Variants in DISC1 observed in about 807,000 individuals in gnomAD.
The protein encoded by DISC1 is DISC1 scaffold protein.
A neutral mutation model predicts 84.5 loss-of-function variants in DISC1; 57 were observed. The ratio of observed to expected loss-of-function variants is 0.67; its 90% CI spans 0.55 to 0.84. The LOEUF (loss-of-function observed/expected upper bound fraction) is 0.84. Ranked by LOEUF, DISC1 falls within the 40% of genes least tolerant of loss-of-function variation. The pLI is 0.00. For synonymous variants in DISC1, 411 were observed against 415.2 expected, an observed-to-expected ratio of 0.99 and a Z score of 0.12; for missense variants, 1,000 against 1,057.8, an observed-to-expected ratio of 0.95 and a Z score of 0.76.
At chr1:231,687,078 A>G (rs1572868927) in intron 1 of DISC1, among the ~76,000 whole-genome samples, 1 of 152,252 alleles carries the variant, frequency 6.6e-6, no homozygotes, top group African/African-American at 2.4e-5. Flanking sequence ...AAGCCATTCA[A>G]CAAGTCTCTA....
At chr1:231,937,149 C>G (rs1288599242) in intron 9 of DISC1, among the ~76,000 whole-genome samples, 1 of 152,178 alleles carries the variant, frequency 6.6e-6, no homozygotes, top group Non-Finnish European at 1.5e-5. Context: ...CCTGTATCCC[C>G]ATTTTATTAT....
At chr1:231,667,443 A>AAC (rs1209143514) in intron 1 of DISC1, among the ~76,000 whole-genome samples, 1 of 152,204 alleles carries the variant, frequency 6.6e-6, no homozygotes, top group East Asian at 1.9e-4. Context: ...TTGTCATATT[A>AAC]ACACACACAC....
chr1:231,678,691 G>C (rs774751230), intron 1 of DISC1, among the ~76,000 whole-genome samples: 1 of 151,900 alleles, frequency 6.6e-6, no homozygotes, highest in Non-Finnish European at 1.5e-5. Context: ...TCCTTGAGAC[G>C]GAGTCTCACT....
intron 9 of DISC1, among the ~76,000 whole-genome samples, chr1:231,942,824 G>T (rs1216182500): frequency 6.6e-6 from 1 of 152,206 alleles, no homozygotes; most frequent in Non-Finnish European, 1.5e-5. Flanking sequence ...ACCGGGCATT[G>T]CCTCCTTCCT....
intron 4 of DISC1, among the ~76,000 whole-genome samples, chr1:231,756,010 C>T (rs2075075491): frequency 6.6e-6 from 1 of 152,198 alleles, no homozygotes; most frequent in African/African-American, 2.4e-5. Context: ...GGATAAAATT[C>T]ATGTTGCTTA....
chr1:231,873,520 G>A lies in DISC1; in HGVS notation c.1981+55003G>A, dbSNP rs78688288. On this transcript the variant is annotated intron_variant, in intron 9 of 12. Coordinates refer to ENST00000439617, the MANE Select transcript of DISC1 (RefSeq NM_018662.3). ...TGATTTGAAAACCAAAGTGAATAGA[G>A]TACTTATAAAATCTGGTGGTGCACT... Among the ~76,000 whole-genome samples, 6 of 152,320 alleles carry A rather than the reference G, an allele frequency of 3.9e-5. No homozygotes were observed. In the East Asian group the frequency reaches 5.8e-4, roughly 15 times the overall value.
At chr1:231,786,985 G>A (rs1456858948) in intron 6 of DISC1, among the ~76,000 whole-genome samples, 1 of 152,192 alleles carries the variant, frequency 6.6e-6, no homozygotes, top group African/African-American at 2.4e-5. Context: ...TCAAGGATAA[G>A]GAGGATCAGG....
intron 6 of DISC1, among the ~76,000 whole-genome samples, chr1:231,778,513 C>T (rs1380398339): frequency 2.0e-5 from 3 of 152,206 alleles, no homozygotes; most frequent in African/African-American, 2.4e-5. Context: ...TTCCTTAGGG[C>T]TGGTCCCTAG....
At chr1:231,807,864 GA>G (rs1179851051) in intron 8 of DISC1, among the ~76,000 whole-genome samples, 1 of 152,172 alleles carries the variant, frequency 6.6e-6, no homozygotes, top group Non-Finnish European at 1.5e-5. Context: ...TAAAAGCTGT[GA>G]AAAAAACTTT....
chr1:231,776,395 G>A (rs1010183024), intron 6 of DISC1, among the ~76,000 whole-genome samples: 2 of 152,188 alleles, frequency 1.3e-5, no homozygotes, highest in African/African-American at 4.8e-5. Flanking sequence ...TTGTGCATTT[G>A]GAAGAAACAT....
chr1:231,935,048 A>G (rs1233924081), intron 9 of DISC1, among the ~76,000 whole-genome samples: 3 of 152,224 alleles, frequency 2.0e-5, no homozygotes. Context: ...GCTCTTGCCA[A>G]ATGGGACAAC....
intron 2 of DISC1, 136 bp from the exon 3 acceptor site, chr1:231,701,819 C>A (rs919768602): frequency 2.6e-6 from 2 of 771,810 alleles, no homozygotes; most frequent in Non-Finnish European, 3.9e-6. Context: ...AAAAAATGTG[C>A]ATTTTTGTTT....
intron 3 of DISC1, among the ~76,000 whole-genome samples, chr1:231,747,827 C>A (rs1181930962): frequency 6.6e-6 from 1 of 151,942 alleles, no homozygotes; most frequent in Non-Finnish European, 1.5e-5. Context: ...ATAGAGATTG[C>A]ACTGTTATTT....
chr1:231,916,791 G>T (rs1486521621), intron 9 of DISC1, among the ~76,000 whole-genome samples: 7 of 152,134 alleles, frequency 4.6e-5, no homozygotes, highest in Admixed American at 4.6e-4. Context: ...GGCTCCAGTG[G>T]CTAAACTTTG....
chr1:231,679,974 T>A (rs574531059), intron 1 of DISC1, among the ~76,000 whole-genome samples: 1 of 152,322 alleles, frequency 6.6e-6, no homozygotes, highest in African/African-American at 2.4e-5. Context: ...ATGCCTGTAA[T>A]CCCAGCACTT....
intron 6 of DISC1, among the ~76,000 whole-genome samples, chr1:231,776,070 C>T (rs968440044): frequency 2.6e-5 from 4 of 152,164 alleles, no homozygotes; most frequent in Admixed American, 2.0e-4. Context: ...TGATTTGCAG[C>T]TCCTCTCTGT....
intron 4 of DISC1, among the ~76,000 whole-genome samples, chr1:231,758,410 A>G (rs2075345993): frequency 6.6e-6 from 1 of 151,932 alleles, no homozygotes; most frequent in African/African-American, 2.4e-5. Context: ...CATGTGGGCC[A>G]GGTTTGGATA....
At chr1:232,007,828 GTAATCCCCA>G (rs1404586620) in intron 10 of DISC1, among the ~76,000 whole-genome samples, 2 of 152,184 alleles carry the variant, frequency 1.3e-5, no homozygotes, top group Non-Finnish European at 2.9e-5. Context: ...ATCTTGAATT[GTAATCCCCA>G]TAATCCCCAA....
chr1:231,883,525 A>G (rs2086447883), intron 9 of DISC1, among the ~76,000 whole-genome samples: 3 of 152,102 alleles, frequency 2.0e-5, no homozygotes, highest in African/African-American at 7.2e-5. Flanking sequence ...GTCCCACATG[A>G]GGAGTCTGTG....
Sources: gnomAD v4.1 joint callset for allele counts (sites outside exome capture counted in the v4.1 genomes callset) on GRCh38, gnomAD v4.1.1 for gene constraint, MANE v1.5 for transcripts, NCBI Gene and HGNC (gene_info 2026-07-23, HGNC 2026-07-21) for gene names.